Variants in PRDM5 observed in about 807,000 individuals in gnomAD.
PRDM5 encodes PR domain zinc finger protein 5.
Under a neutral mutation model 81.2 loss-of-function variants are expected in PRDM5, and 56 were observed. The observed-to-expected ratio is 0.69, with a 90% confidence interval of 0.56 to 0.86. The LOEUF (loss-of-function observed/expected upper bound fraction) is 0.86, where lower values mean the gene tolerates loss of function less well. Among genes scored for constraint, PRDM5 ranks in the 40% least tolerant of loss-of-function variants. PRDM5 has a pLI of 0.00. For synonymous variants in PRDM5, 267 were observed against 256.4 expected, an observed-to-expected ratio of 1.04 and a Z score of -0.39; for missense variants, 697 against 770.1, an observed-to-expected ratio of 0.91 and a Z score of 1.12.
downstream of PRDM5, among the ~76,000 whole-genome samples, chr4:120,690,971 C>T (rs1235594870): frequency 6.6e-6 from 1 of 151,996 alleles, no homozygotes; most frequent in Non-Finnish European, 1.5e-5. Context: ...AGACCTTATT[C>T]TAATTGGCTA....
rs900207431 is a variant in PRDM5 at position 120,694,974 on chromosome 4, A to G, written c.*137T>C. 9.7e-6 allele frequency: 10 copies of G among 1,033,622 alleles called. No individual in the cohort carries two copies. Among genetic ancestry groups the G allele is most frequent in the Non-Finnish European group, 1.5e-5 (10 of 673,244 alleles). 64.0% of individuals were successfully genotyped at this position (1,033,622 alleles called of 1,614,324 possible). A position where few individuals can be genotyped will look rare whatever the true frequency, so the allele number is the denominator to read the frequency against. ...TTTTTGGTTGCATATGCATCTACAG[A>G]CTCTAAATGTAGGCAAATAAGAACT... On this transcript the variant is annotated 3_prime_UTR_variant, in exon 16 of 16. Transcript: ENST00000264808.
chr4:120,798,439 A>G lies in PRDM5; in HGVS notation c.1031-15T>C, dbSNP rs201474353. On this transcript the variant is annotated splice_polypyrimidine_tract_variant and intron_variant, in intron 9 of 15. Coordinates refer to ENST00000264808, the MANE Select transcript of PRDM5 (RefSeq NM_018699.4). ...GGGTCGTTTTTCTATTAAAAAAATG[A>G]GTGGAGACAATCTCATATCTATATA... The G allele has an allele frequency of 4.6e-4, 682 of 1,495,236 alleles. 4 individuals are homozygous for G. The highest frequency in any genetic ancestry group is 3.6e-3 in the Middle Eastern group (20 of 5,616). The allele number at this position is 1,495,236 out of a possible 1,614,324, so 92.6% of individuals were successfully genotyped here. A position where few individuals can be genotyped will look rare whatever the true frequency, so the allele number is the denominator to read the frequency against.
At chr4:120,802,376 A>C (rs1752248940) in intron 8 of PRDM5, among the ~76,000 whole-genome samples, 1 of 152,218 alleles carries the variant, frequency 6.6e-6, no homozygotes, top group Non-Finnish European at 1.5e-5. Flanking sequence ...TACCGGGTTC[A>C]TCTCACTGAG....
At chr4:120,758,714 G>A (rs915015333) in intron 13 of PRDM5, among the ~76,000 whole-genome samples, 4 of 151,838 alleles carry the variant, frequency 2.6e-5, no homozygotes, top group Non-Finnish European at 5.9e-5. Context: ...CTCAGTTTGC[G>A]ACACCTTGTT....
chr4:120,842,408 AACT>A (rs1758138838), intron 3 of PRDM5, among the ~76,000 whole-genome samples: 1 of 152,204 alleles, frequency 6.6e-6, no homozygotes, highest in Admixed American at 6.5e-5. Flanking sequence ...AGGTACATTC[AACT>A]AGGTGTACCA....
chr4:120,697,664 C>A (rs1382939476), intron 15 of PRDM5, among the ~76,000 whole-genome samples: 2 of 110,352 alleles, frequency 1.8e-5, no homozygotes, highest in Non-Finnish European at 3.9e-5. Context: ...CCATGCCCAG[C>A]TAACTATTTT....
intron 15 of PRDM5, among the ~76,000 whole-genome samples, chr4:120,706,486 A>C (rs902671825): frequency 1.3e-5 from 2 of 152,090 alleles, no homozygotes; most frequent in Non-Finnish European, 2.9e-5. Flanking sequence ...TTGAGAGATT[A>C]AGAAATCTGG....
At chr4:120,854,857 T>C (rs981743074) in intron 2 of PRDM5, among the ~76,000 whole-genome samples, 1 of 151,696 alleles carries the variant, frequency 6.6e-6, no homozygotes, top group Non-Finnish European at 1.5e-5. Flanking sequence ...GGGAAGACTG[T>C]TTCCAAGCAG....
chr4:120,737,346 T>C (rs1408742785), intron 14 of PRDM5, among the ~76,000 whole-genome samples: 2 of 151,966 alleles, frequency 1.3e-5, no homozygotes, highest in African/African-American at 2.4e-5. Flanking sequence ...TATGGTAAAA[T>C]GTGGAAATGC....
rs754063598 is a variant in PRDM5 at position 120,922,587 on chromosome 4, C to G, written c.22G>C (p.Asp8His). 6.2e-6 allele frequency: 10 copies of G among 1,609,476 alleles called. No homozygotes were observed. Among genetic ancestry groups the G allele is most frequent in the African/African-American group, 1.3e-5 (1 of 74,826 alleles). The stretch of plus-strand genomic sequence containing the variant: ...CGGGAGGACTTCAGGGAGAACCTGT[C>G]CGGCACGTACATGCCCAGCATTTTC... MLGMYVP[D>H]RFSLKSSRVQ... is the part of the protein sequence containing the mutation. The change falls in exon 1 of 16, where the codon GAC (aspartate) becomes CAC (histidine). Residue 8 changes from aspartate (D) to histidine (H), a missense_variant. Coordinates refer to ENST00000264808, the MANE Select transcript of PRDM5 (RefSeq NM_018699.4).
At position 120,781,148 on chromosome 4, in the gene PRDM5, T is replaced by G. The variant is rs763860218; in HGVS notation, c.1438A>C (p.Lys480Gln). 5 of 1,612,966 alleles carry G rather than the reference T, an allele frequency of 3.1e-6. No homozygotes were observed. Among genetic ancestry groups the G allele is most frequent in the Non-Finnish European group, 4.2e-6 (5 of 1,179,196 alleles). The change falls in exon 12 of 16, where the codon AAG becomes CAG. Residue 480 changes from lysine to glutamine, a missense_variant. Physicochemically the swap from Lys to Gln is moderately conservative, Grantham distance 53. This residue lies in a region of PRDM5 where 577 missense variants were observed against 606.7 expected (regional missense o/e 0.95). Coordinates refer to ENST00000264808, the MANE Select transcript of PRDM5 (RefSeq NM_018699.4). Reference protein sequence around the residue: ...FVTPSVLRSHKKTHTGEKEKI... With the variant: ...FVTPSVLRSHQKTHTGEKEKI... ...AACAGAAGACTTCCACTTACTTTCTTATGACTTCTAAGCACTGAAGGTGTA... is the reference window on the plus strand; with the variant it reads ...AACAGAAGACTTCCACTTACTTTCTGATGACTTCTAAGCACTGAAGGTGTA...
intron 14 of PRDM5, among the ~76,000 whole-genome samples, chr4:120,727,667 G>C (rs1739620768): frequency 6.6e-6 from 1 of 152,144 alleles, no homozygotes; most frequent in South Asian, 2.1e-4. Context: ...CAGGCACGGT[G>C]GCTCACGCAT....
intron 1 of PRDM5, among the ~76,000 whole-genome samples, chr4:120,921,634 A>G (rs190945517): frequency 1.3e-5 from 2 of 152,340 alleles, no homozygotes; most frequent in African/African-American, 4.8e-5. Context: ...ATCTTACAAA[A>G]TATCTACTAA....
At chr4:120,687,653 C>T (rs1361552303), downstream of PRDM5, among the ~76,000 whole-genome samples, 2 of 151,960 alleles carry the variant, frequency 1.3e-5, no homozygotes, top group Non-Finnish European at 2.9e-5. Flanking sequence ...AATCTTTGTC[C>T]CCTCTCAAAT....
chr4:120,883,634 T>A (rs1224795728), intron 2 of PRDM5, among the ~76,000 whole-genome samples: 1 of 150,896 alleles, frequency 6.6e-6, no homozygotes, highest in Non-Finnish European at 1.5e-5. Context: ...CTAATGTAAA[T>A]AATGAGTTGA....
At chr4:120,921,882 G>C (rs1174213025) in intron 1 of PRDM5, among the ~76,000 whole-genome samples, 1 of 152,024 alleles carries the variant, frequency 6.6e-6, no homozygotes, top group Non-Finnish European at 1.5e-5. Flanking sequence ...AAAAAGAGCG[G>C]AGAAAAAAGG....
chr4:120,731,367 C>CT (rs200102326), intron 14 of PRDM5, among the ~76,000 whole-genome samples: 17,137 of 129,230 alleles, frequency 0.13, 1,225 homozygotes, highest in Middle Eastern at 0.21. Flanking sequence ...CAGAGGTCTT[C>CT]TTTTTTTTTT....
chr4:120,859,976 C>T (rs753645935), intron 2 of PRDM5, among the ~76,000 whole-genome samples: 1 of 152,162 alleles, frequency 6.6e-6, no homozygotes, highest in Non-Finnish European at 1.5e-5. Flanking sequence ...ACGATTATGA[C>T]CTCTGACCTA....
At chr4:120,859,968 G>T (rs1252028566) in intron 2 of PRDM5, among the ~76,000 whole-genome samples, 1 of 152,170 alleles carries the variant, frequency 6.6e-6, no homozygotes, top group Non-Finnish European at 1.5e-5. Context: ...TGGAAAGGAC[G>T]ATTATGACCT....
Sources: gnomAD v4.1 joint callset for allele counts (sites outside exome capture counted in the v4.1 genomes callset) on GRCh38, gnomAD v4.1.1 for gene constraint, gnomAD v4.1.1 regional missense constraint, MANE v1.5 for transcripts, NCBI Gene and HGNC (gene_info 2026-07-23, HGNC 2026-07-21) for gene names.